Variants in GAPDH observed in about 807,000 individuals in gnomAD.
GAPDH encodes OCAS, p38 component.
Under a neutral mutation model 31.2 loss-of-function variants are expected in GAPDH, and 13 were observed. That is an observed-to-expected ratio of 0.42 (90% CI 0.27 to 0.66). The LOEUF (loss-of-function observed/expected upper bound fraction) is 0.66, where lower values mean the gene tolerates loss of function less well. GAPDH is among the 30% of genes least tolerant of loss of function. The pLI is 0.26. For synonymous variants in GAPDH, 211 were observed against 166.9 expected, an observed-to-expected ratio of 1.26 and a Z score of -2.04; for missense variants, 300 against 443.7, an observed-to-expected ratio of 0.68 and a Z score of 2.91.
At position 6,536,566 on chromosome 12, in the gene GAPDH, T is replaced by A. The variant is rs747986504; in HGVS notation, c.102T>A (p.Asn34Lys). 6.2e-7 allele frequency: 1 copy of A among 1,613,930 alleles called. No homozygotes were observed. The highest frequency in any genetic ancestry group is 8.5e-7 in the Non-Finnish European group (1 of 1,179,958). The change falls in exon 3 of 9, where the codon AAT becomes AAA. Residue 34 changes from asparagine (N) to lysine (K), a missense_variant. By Grantham distance (94) the Asn-to-Lys change is moderately conservative. Coordinates refer to ENST00000229239, the MANE Select transcript of GAPDH (RefSeq NM_002046.7). The part of the protein sequence containing the change: ...NSGKVDIVAI[N>K]DPFIDLNYMV... ...GTAAAGTGGATATTGTTGCCATCAA[T>A]GACCCCTTCATTGACCTCAACTACA... is the stretch of plus-strand genomic sequence containing the variant.
At chr12:6,535,465 C>G in intron 2 of GAPDH, 1 of 986,522 alleles carries the variant, frequency 1.0e-6, no homozygotes, top group Non-Finnish European at 1.2e-6. Context: ...CTAGATTATT[C>G]TCTGGTAAAT....
chr12:6,535,676 G>T (rs1173524793), intron 2 of GAPDH, among the ~76,000 whole-genome samples: 1 of 152,114 alleles, frequency 6.6e-6, no homozygotes, highest in Admixed American at 6.5e-5. Flanking sequence ...TGCCAGCCTA[G>T]CGTTGACCCG....
intron 4 of GAPDH, 59 bp downstream of exon 4, chr12:6,536,849 C>T: frequency 6.3e-7 from 1 of 1,582,504 alleles, no homozygotes. Context: ...GATGGTGTGG[C>T]TCCCTTGGGT....
In GAPDH at chr12:6,538,319, TAGGG is replaced by T; in HGVS notation, c.*152_*155del. The stretch of plus-strand genomic sequence containing the variant: ...AGACCCCTTGAAGAGGGGAGGGGCC[TAGGG>T]AGCCGCACCTTGTCATGTACCATCA... On this transcript the variant is annotated 3_prime_UTR_variant, in exon 9 of 9. Transcript: ENST00000229239. 1 of 662,770 alleles carries T rather than the reference TAGGG, an allele frequency of 1.5e-6. No individual in the cohort carries two copies. Among genetic ancestry groups the T allele is most frequent in the South Asian group, 1.7e-5 (1 of 59,420 alleles). 41.1% of individuals were successfully genotyped at this position (662,770 alleles called of 1,614,324 possible). A position where few individuals can be genotyped will look rare whatever the true frequency, so the allele number is the denominator to read the frequency against.
In GAPDH at chr12:6,537,301, CT is replaced by C; in HGVS notation, c.444-5del. The C allele has an allele frequency of 6.3e-7, 1 of 1,599,592 alleles. No homozygotes were observed. Among genetic ancestry groups the C allele is most frequent in the East Asian group, 2.3e-5 (1 of 43,566 alleles). ...CTGACTTGCGCCCCGCTCCCTCTTTCTTTGCAGCAATGCCTCCTGCACCACC... is the reference window on the plus strand; with the variant it reads ...CTGACTTGCGCCCCGCTCCCTCTTTCTTGCAGCAATGCCTCCTGCACCACC... On this transcript the variant is annotated splice_polypyrimidine_tract_variant and splice_region_variant and intron_variant, in intron 6 of 8. Transcript: ENST00000229239. The surrounding 1 kb of genome is among the most constrained non-coding windows in gnomAD (Gnocchi z 4.9).
At chr12:6,538,026 TAA>T in intron 8 of GAPDH, 30 bp downstream of exon 8, 1 of 1,596,566 alleles carries the variant, frequency 6.3e-7, no homozygotes, top group Non-Finnish European at 8.5e-7. Context: ...GACTGGCTCT[TAA>T]AAAGTGCAGG....
intron 2 of GAPDH, 96 bp from the exon 3 acceptor site, chr12:6,536,398 C>A (rs1017396547): frequency 5.8e-6 from 5 of 862,830 alleles, no homozygotes; most frequent in Non-Finnish European, 9.8e-6. Flanking sequence ...TAAGGAGATG[C>A]TGCATTCGCC....
At position 6,537,375 on chromosome 12, in the gene GAPDH, C is replaced by T. The variant is rs770546388; in HGVS notation, c.510C>T (p.Ile170=). The change falls in exon 7 of 9, where the codon ATC becomes ATT. Residue 170 remains isoleucine (I), a synonymous_variant. Coordinates refer to ENST00000229239, the MANE Select transcript of GAPDH (RefSeq NM_002046.7). This position sits in a 1 kb window ranked among gnomAD's most constrained non-coding sequence, Gnocchi z 4.9. Reference sequence around the variant, plus strand: ...AGGTCATCCATGACAACTTTGGTATCGTGGAAGGACTCATGGTATGAGAGC... The same window carrying T: ...AGGTCATCCATGACAACTTTGGTATTGTGGAAGGACTCATGGTATGAGAGC... ...LAKVIHDNFG[I]VEGLMTTVHA... 40 of 1,608,882 alleles carry T rather than the reference C, an allele frequency of 2.5e-5. No homozygotes were observed. Among genetic ancestry groups the T allele is most frequent in the Non-Finnish European group, 3.2e-5 (38 of 1,179,698 alleles).
At chr12:6,535,901 T>C (rs1362888323) in intron 2 of GAPDH, among the ~76,000 whole-genome samples, 1 of 149,388 alleles carries the variant, frequency 6.7e-6, no homozygotes, top group Non-Finnish European at 1.5e-5. Context: ...TTACCTGTGC[T>C]CCCACTCCTG....
intron 2 of GAPDH, 167 bp downstream of exon 2, chr12:6,535,028 C>G: frequency 2.3e-6 from 2 of 852,506 alleles, no homozygotes; most frequent in Non-Finnish European, 3.6e-6. Context: ...CGCACCCAGG[C>G]TGTGGCGCCC....
rs976533742 is a variant in GAPDH, at chr12:6,534,536, C to G, written c.-57C>G. On this transcript the variant is annotated 5_prime_UTR_variant, in exon 1 of 9. Transcript: ENST00000229239. ...CGCTTCGCTCTCTGCTCCTCCTGTT[C>G]GACAGTCAGCCGCATCTTCTTTTGC... 1.0e-5 allele frequency: 5 copies of G among 487,908 alleles called. No individual in the cohort carries two copies. The highest frequency in any genetic ancestry group is 1.9e-5 in the Non-Finnish European group (5 of 270,160). 30.2% of individuals were successfully genotyped at this position (487,908 alleles called of 1,614,324 possible).
At chr12:6,534,759 T>G in intron 1 of GAPDH, 51 bp from the exon 2 acceptor site, 1 of 1,489,686 alleles carries the variant, frequency 6.7e-7, no homozygotes, top group Non-Finnish European at 9.3e-7. Flanking sequence ...AGGGGAGGCG[T>G]GTGTGTCGGC....
chr12:6,534,763 T>A, intron 1 of GAPDH, 47 bp from the exon 2 acceptor site: 2 of 1,532,598 alleles, frequency 1.3e-6, no homozygotes, highest in Non-Finnish European at 1.8e-6. Flanking sequence ...GAGGCGTGTG[T>A]GTCGGCCGGG....
intron 2 of GAPDH, 24 bp downstream of exon 2, chr12:6,534,885 G>A (rs765111334): frequency 2.2e-5 from 35 of 1,610,948 alleles, no homozygotes; most frequent in Middle Eastern, 3.3e-4. Context: ...TGGCTGGGGG[G>A]CCCTGGGCTG....
rs1946485670 is a variant in GAPDH, at chr12:6,537,015, G to A, written c.327+5G>A. 6.2e-7 allele frequency: 1 copy of A among 1,609,974 alleles called. No homozygotes were observed. The highest frequency in any genetic ancestry group is 8.5e-7 in the Non-Finnish European group (1 of 1,179,230). On this transcript the variant is annotated splice_donor_5th_base_variant and intron_variant, in intron 5 of 8. Coordinates refer to ENST00000229239, the MANE Select transcript of GAPDH (RefSeq NM_002046.7). The surrounding 1 kb of genome is among the most constrained non-coding windows in gnomAD (Gnocchi z 4.9). ...ACCACCATGGAGAAGGCTGGGGTGA[G>A]TGCAGGAGGGCCCGCGGGAGGGGAA...
At position 6,536,913 on chromosome 12, in the gene GAPDH, C is replaced by T. The variant is rs1946482645; in HGVS notation, c.237-7C>T. 1 of 1,611,386 alleles carries T rather than the reference C, an allele frequency of 6.2e-7. No individual in the cohort carries two copies. ...GTCCTGTCCCCATCTCCCCCCCACC[C>T]CCATAGGCGAGATCCCTCCAAAATC... On this transcript the variant is annotated splice_polypyrimidine_tract_variant and splice_region_variant and intron_variant, in intron 4 of 8. Transcript: ENST00000229239.
intron 2 of GAPDH, 36 bp from the exon 3 acceptor site, chr12:6,536,458 T>A (rs1052688013): frequency 2.0e-6 from 3 of 1,466,918 alleles, no homozygotes; most frequent in Non-Finnish European, 2.9e-6. Flanking sequence ...TGGAGGAGCC[T>A]CCCCTCCTCA....
intron 2 of GAPDH, 78 bp from the exon 3 acceptor site, chr12:6,536,416 T>TG: frequency 9.8e-7 from 1 of 1,021,722 alleles, no homozygotes; most frequent in Non-Finnish European, 1.5e-6. Flanking sequence ...GCCCTCTTAA[T>TG]GGGGAGGTGG....
intron 2 of GAPDH, among the ~76,000 whole-genome samples, chr12:6,536,065 G>A (rs1946457511): frequency 6.6e-6 from 1 of 152,256 alleles, no homozygotes; most frequent in South Asian, 2.1e-4. Flanking sequence ...GCCCTGTCCA[G>A]TTAATTTCTG....
Sources: gnomAD v4.1 joint callset for allele counts (sites outside exome capture counted in the v4.1 genomes callset) on GRCh38, gnomAD v4.1.1 for gene constraint, Gnocchi (gnomAD v3.1) non-coding constraint, MANE v1.5 for transcripts, NCBI Gene and HGNC (gene_info 2026-07-23, HGNC 2026-07-21) for gene names.